Variants in SCOC observed in about 807,000 individuals in gnomAD.
SCOC encodes short coiled-coil protein, also known as short coiled coil protein.
A neutral mutation model predicts 9.9 loss-of-function variants in SCOC; 7 were observed. The observed-to-expected ratio is 0.71, with a 90% CI of 0.40 to 1.33. SCOC has a LOEUF of 1.33. Ranked by LOEUF, SCOC falls within the 40% of genes most tolerant of loss-of-function variation. The pLI is 0.01. For missense variants in SCOC, 66 were observed against 89.7 expected, an observed-to-expected ratio of 0.74 and a Z score of 1.07; for synonymous variants, 19 against 28.2, an observed-to-expected ratio of 0.67 and a Z score of 1.03.
chr4:140,381,300 A>T lies in SCOC; in HGVS notation c.*196A>T. 1 of 469,578 alleles carries T rather than the reference A, an allele frequency of 2.1e-6. No individual in the cohort carries two copies. The highest frequency in any genetic ancestry group is 3.8e-6 in the Non-Finnish European group (1 of 265,366). The allele number at this position is 469,578 out of a possible 1,614,324, so 29.1% of individuals were successfully genotyped here. A position where few individuals can be genotyped will look rare whatever the true frequency, so the allele number is the denominator to read the frequency against. ...ATTATGTTAGTCTATGAAAACGTGC[A>T]AATGTATTGTAGAGACTTTATGATT... On this transcript the variant is annotated 3_prime_UTR_variant, in exon 4 of 4. Coordinates refer to ENST00000608372, the MANE Select transcript of SCOC (RefSeq NM_001153484.2).
intron 1 of SCOC, among the ~76,000 whole-genome samples, chr4:140,295,987 T>C (rs1044322099): frequency 6.7e-6 from 1 of 149,794 alleles, no homozygotes; most frequent in Non-Finnish European, 1.5e-5. Context: ...CTGGAGCTTA[T>C]AAAGCTGCAG....
chr4:140,304,051 C>T (rs150630370), intron 1 of SCOC, among the ~76,000 whole-genome samples: 11 of 152,158 alleles, frequency 7.2e-5, no homozygotes, highest in African/African-American at 2.7e-4. Flanking sequence ...TGAGAGATGA[C>T]ACACATACAA....
intron 1 of SCOC, among the ~76,000 whole-genome samples, chr4:140,293,047 T>C (rs902305996): frequency 3.3e-5 from 5 of 152,210 alleles, no homozygotes; most frequent in Non-Finnish European, 7.3e-5. Context: ...CTGCTCTTGG[T>C]TTCTCACGAT....
At chr4:140,362,443 A>AGTGT in intron 2 of SCOC, among the ~76,000 whole-genome samples, 1 of 148,724 alleles carries the variant, frequency 6.7e-6, no homozygotes, top group African/African-American at 2.5e-5. Flanking sequence ...CTACAGGCCA[A>AGTGT]GCCACCATGC....
upstream of SCOC, chr4:140,369,359 T>G: frequency 5.4e-6 from 2 of 371,136 alleles, no homozygotes; most frequent in Middle Eastern, 7.4e-4. Flanking sequence ...ACCTTTCAAG[T>G]GAAAAAAATG....
At chr4:140,353,091 T>C (rs1179636949) in intron 2 of SCOC, among the ~76,000 whole-genome samples, 1 of 152,178 alleles carries the variant, frequency 6.6e-6, no homozygotes, top group Admixed American at 6.5e-5. Flanking sequence ...TCCTGCCTGC[T>C]TGACTTGTTC....
chr4:140,368,911 C>G (rs1727923079), upstream of SCOC, among the ~76,000 whole-genome samples: 2 of 152,036 alleles, frequency 1.3e-5, no homozygotes, highest in African/African-American at 4.8e-5. Flanking sequence ...TTCCTTCTGG[C>G]AGAGTGAACT....
chr4:140,306,786 G>T (rs544698160), intron 1 of SCOC, among the ~76,000 whole-genome samples: 1 of 144,688 alleles, frequency 6.9e-6, no homozygotes, highest in South Asian at 2.3e-4. Context: ...GTAGGTAGGA[G>T]AAGGTGGGGA....
At chr4:140,345,383 T>C (rs1436339103) in intron 2 of SCOC, among the ~76,000 whole-genome samples, 2 of 152,222 alleles carry the variant, frequency 1.3e-5, no homozygotes, top group Non-Finnish European at 2.9e-5. Context: ...ATTTCTGCTG[T>C]TTCCATATTT....
At chr4:140,349,297 T>C (rs1186207161) in intron 2 of SCOC, among the ~76,000 whole-genome samples, 1 of 152,198 alleles carries the variant, frequency 6.6e-6, no homozygotes, top group Admixed American at 6.5e-5. Flanking sequence ...GGGACAGAAA[T>C]GCAAATAAGT....
intron 1 of SCOC, among the ~76,000 whole-genome samples, chr4:140,317,967 C>A (rs1331709759): frequency 1.3e-5 from 2 of 148,220 alleles, no homozygotes; most frequent in Non-Finnish European, 3.0e-5. Flanking sequence ...TTTGTTCTTG[C>A]GATAGTTTAC....
intron 1 of SCOC, among the ~76,000 whole-genome samples, chr4:140,337,677 A>G (rs1273730037): frequency 1.3e-5 from 2 of 152,238 alleles, no homozygotes; most frequent in Admixed American, 1.3e-4. Context: ...AAACACCTCT[A>G]TGCAAATAAA....
chr4:140,266,835 AAAGT>A lies in SCOC; in HGVS notation c.-19+9429_-19+9432del, dbSNP rs1267488090. Among the ~76,000 whole-genome samples, 3 of 152,318 alleles carry A rather than the reference AAAGT, an allele frequency of 2.0e-5. No individual in the cohort carries two copies. The East Asian group carries it at 5.8e-4, about 29-fold the overall frequency. On this transcript the variant is annotated intron_variant, in intron 1 of 4. Coordinates refer to the SCOC transcript ENST00000394205. The stretch of plus-strand genomic sequence containing the variant: ...AAAAGGGAGGAAGGGAGAAAGAGAA[AAAGT>A]AAGGGAGAGAGGAAATCTTTGAGAA...
chr4:140,296,873 TCTC>T (rs1384412196), intron 1 of SCOC, among the ~76,000 whole-genome samples: 3 of 152,202 alleles, frequency 2.0e-5, no homozygotes, highest in East Asian at 1.9e-4. Flanking sequence ...GCTGAGTGAC[TCTC>T]CTCCTGTCAC....
At chr4:140,325,070 T>C (rs1457879174) in intron 1 of SCOC, among the ~76,000 whole-genome samples, 2 of 152,086 alleles carry the variant, frequency 1.3e-5, no homozygotes, top group East Asian at 3.9e-4. Context: ...GCCAAGACAA[T>C]GCAATGGACA....
chr4:140,380,178 CTTTCTT>C (rs1350113565), intron 3 of SCOC, among the ~76,000 whole-genome samples: 2 of 142,274 alleles, frequency 1.4e-5, no homozygotes, highest in Non-Finnish European at 3.0e-5. Flanking sequence ...TCCCTATTAG[CTTTCTT>C]TTTCTTTTTC....
chr4:140,287,370 C>T lies in SCOC; in HGVS notation c.-19+29960C>T, dbSNP rs562751168. Among the ~76,000 whole-genome samples, 10 of 150,910 alleles carry T rather than the reference C, an allele frequency of 6.6e-5. No individual in the cohort carries two copies. The East Asian group carries it at 1.4e-3, about 21-fold the overall frequency. The stretch of plus-strand genomic sequence containing the variant: ...TCATGTGCACATGCCACACAGATCA[C>T]GAACATGTAGAAACCATAGACCACA... On this transcript the variant is annotated intron_variant, in intron 1 of 4. Transcript: ENST00000394205.
At chr4:140,262,451 G>T (rs568708297) in intron 1 of SCOC, among the ~76,000 whole-genome samples, 1 of 152,264 alleles carries the variant, frequency 6.6e-6, no homozygotes, top group South Asian at 2.1e-4. Flanking sequence ...TGGCACATTG[G>T]ATTAAAACTA....
At chr4:140,338,106 A>G (rs1275022555) in intron 1 of SCOC, among the ~76,000 whole-genome samples, 2 of 152,232 alleles carry the variant, frequency 1.3e-5, no homozygotes, top group East Asian at 3.8e-4. Context: ...CACCATGATC[A>G]AGTGGGCTTC....
Sources: gnomAD v4.1 joint callset for allele counts (sites outside exome capture counted in the v4.1 genomes callset) on GRCh38, gnomAD v4.1.1 for gene constraint, MANE v1.5 for transcripts, NCBI Gene and HGNC (gene_info 2026-07-23, HGNC 2026-07-21) for gene names.